TYW1: variants seen among roughly 807,000 people sequenced by gnomAD.
TYW1 encodes tRNA-yW synthesizing protein 1 homolog.
In TYW1, 46 loss-of-function variants were observed where a neutral mutation model predicts 96.2. The observed-to-expected ratio is 0.48, with a 90% confidence interval of 0.38 to 0.61. TYW1 has a LOEUF of 0.61. Ranked by LOEUF, TYW1 falls within the 20% of genes least tolerant of loss-of-function variation. The probability of loss-of-function intolerance (pLI) is 0.00; values close to 1 mark genes in which losing one functional copy is unlikely to be tolerated. For missense variants in TYW1, 684 were observed against 909.6 expected (o/e 0.75, Z 3.19); for synonymous variants, 274 against 323.0 (o/e 0.85, Z 1.63).
chr7:67,122,018 T>C (rs934786176), intron 13 of TYW1, among the ~76,000 whole-genome samples: 1 of 150,450 alleles, frequency 6.6e-6, no homozygotes, highest in East Asian at 1.9e-4. Context: ...AAGAGAAATA[T>C]ATCTTATACA....
At chr7:67,011,059 T>G (rs1329886908) in intron 4 of TYW1, among the ~76,000 whole-genome samples, 2 of 152,028 alleles carry the variant, frequency 1.3e-5, no homozygotes, top group Non-Finnish European at 2.9e-5. Context: ...TTTTTTTTAA[T>G]GGAGTTTCGC....
intron 8 of TYW1, among the ~76,000 whole-genome samples, chr7:67,052,612 T>G (rs1017581252): frequency 5.9e-5 from 9 of 152,306 alleles, no homozygotes; most frequent in Middle Eastern, 3.4e-3. Flanking sequence ...GGATCAGCTT[T>G]GGTTGATGGA....
chr7:67,208,629 G>T (rs1584697802), intron 15 of TYW1, among the ~76,000 whole-genome samples: 1 of 149,074 alleles, frequency 6.7e-6, no homozygotes, highest in Non-Finnish European at 1.5e-5. Context: ...GGCGGAGGTT[G>T]CAGTGAGCCG....
At chr7:67,172,188 G>A (rs1460473502) in intron 13 of TYW1, among the ~76,000 whole-genome samples, 2 of 151,224 alleles carry the variant, frequency 1.3e-5, no homozygotes, top group African/African-American at 2.4e-5. Context: ...TTTATTATAA[G>A]TTTTCCATTC....
chr7:67,022,692 T>A (rs1794315316), intron 6 of TYW1, among the ~76,000 whole-genome samples: 1 of 152,316 alleles, frequency 6.6e-6, no homozygotes, highest in East Asian at 1.9e-4. Flanking sequence ...GGCATGAGGC[T>A]GGGATATCAG....
At chr7:67,100,225 G>C (rs911692091) in intron 12 of TYW1, among the ~76,000 whole-genome samples, 8 of 151,988 alleles carry the variant, frequency 5.3e-5, no homozygotes, top group Admixed American at 4.6e-4. Flanking sequence ...TTAAGGGAGG[G>C]CTCTCCTTAT....
chr7:67,172,832 C>T (rs1161835176), intron 13 of TYW1, among the ~76,000 whole-genome samples: 1 of 151,968 alleles, frequency 6.6e-6, no homozygotes, highest in Non-Finnish European at 1.5e-5. Context: ...TTTTAAAAAA[C>T]AAACAAGCTG....
intron 11 of TYW1, among the ~76,000 whole-genome samples, chr7:67,084,035 C>A (rs567322023): frequency 6.6e-6 from 1 of 152,242 alleles, no homozygotes. Flanking sequence ...AACTCCATCT[C>A]AGAAATAAAT....
At chr7:67,092,360 G>C (rs1238046704) in intron 11 of TYW1, among the ~76,000 whole-genome samples, 1 of 151,884 alleles carries the variant, frequency 6.6e-6, no homozygotes. Context: ...CGGAGAACCC[G>C]ATGTGATCTA....
At chr7:67,234,681 A>G (rs1395812501) in intron 15 of TYW1, among the ~76,000 whole-genome samples, 1 of 152,192 alleles carries the variant, frequency 6.6e-6, no homozygotes. Flanking sequence ...GTCAGTTGTC[A>G]GATTTTAGCT....
intron 12 of TYW1, among the ~76,000 whole-genome samples, chr7:67,102,656 AT>A (rs940069075): frequency 7.8e-4 from 115 of 146,500 alleles, no homozygotes; most frequent in Non-Finnish European, 7.0e-4. Flanking sequence ...CACTTTTGGA[AT>A]TTTTTTTTTT....
chr7:67,054,973 C>G (rs965631619), intron 8 of TYW1, among the ~76,000 whole-genome samples: 1 of 152,180 alleles, frequency 6.6e-6, no homozygotes, highest in Non-Finnish European at 1.5e-5. Context: ...TGATTTTTCT[C>G]TCTTTGGGTC....
chr7:67,228,361 G>T (rs1161790529), intron 15 of TYW1, among the ~76,000 whole-genome samples: 1 of 152,170 alleles, frequency 6.6e-6, no homozygotes. Context: ...ATCAGATCTT[G>T]TGAGATTTAT....
At chr7:67,058,153 C>T (rs1202378273) in intron 9 of TYW1, among the ~76,000 whole-genome samples, 7 of 152,076 alleles carry the variant, frequency 4.6e-5, no homozygotes, top group Non-Finnish European at 1.0e-4. Flanking sequence ...CCAGGATGGT[C>T]TCAATCTCCT....
intron 15 of TYW1, among the ~76,000 whole-genome samples, chr7:67,207,717 CTTTTTTTTTT>C (rs749961615): frequency 1.9e-5 from 2 of 103,462 alleles, no homozygotes; most frequent in African/African-American, 3.5e-5. Context: ...TTTTGTTTGC[CTTTTTTTTTT>C]TTTTTTTTTT....
At chr7:67,130,391 T>C (rs59514740) in intron 13 of TYW1, among the ~76,000 whole-genome samples, 41,614 of 148,278 alleles carry the variant, frequency 0.28, 6,525 homozygotes, top group African/African-American at 0.44. Context: ...AACAAACAGA[T>C]GGCTGGGTGC....
chr7:67,172,288 A>G (rs1799538577), intron 13 of TYW1, among the ~76,000 whole-genome samples: 2 of 146,066 alleles, frequency 1.4e-5, no homozygotes, highest in African/African-American at 2.4e-5. Flanking sequence ...TATTAAAGTC[A>G]ATGTAAATTA....
At chr7:67,007,573 A>T (rs1246562828) in intron 3 of TYW1, among the ~76,000 whole-genome samples, 1 of 152,088 alleles carries the variant, frequency 6.6e-6, no homozygotes, top group African/African-American at 2.4e-5. Flanking sequence ...GAGGGGACGA[A>T]TATCCAAACC....
At chr7:67,074,036 C>CA (rs1251824069) in intron 10 of TYW1, among the ~76,000 whole-genome samples, 2 of 143,922 alleles carry the variant, frequency 1.4e-5, no homozygotes, top group African/African-American at 5.2e-5. Flanking sequence ...GAGCCGAGAT[C>CA]ACGCCACTGC....
Sources: allele counts gnomAD v4.1 joint callset (sites outside exome capture counted in the v4.1 genomes callset), GRCh38; gene constraint gnomAD v4.1.1; transcripts MANE v1.5; gene names NCBI Gene and HGNC (gene_info 2026-07-23, HGNC 2026-07-21).